The following KANK4 variants were observed in gnomAD, a reference collection of about 807,000 sequenced individuals.
KANK4 encodes the protein KN motif and ankyrin repeat domain-containing protein 4.
Under a neutral mutation model 80.8 loss-of-function variants are expected in KANK4, and 50 were observed. The ratio of observed to expected loss-of-function variants is 0.62; its 90% CI spans 0.49 to 0.78. The LOEUF is 0.78. Among genes scored for constraint, KANK4 ranks in the 30% least tolerant of loss-of-function variants. The pLI is 0.00. For synonymous variants in KANK4, 465 were observed against 506.9 expected (o/e 0.92, Z 1.11); for missense variants, 1,196 against 1,240.1 (o/e 0.96, Z 0.53).
rs2481688 is a variant in KANK4 at position 62,236,965 on chromosome 1, C to T, written c.*1312G>A. The T allele has an allele frequency of 0.95, 144,963 of 152,010 alleles. 69,171 individuals carry two copies. The highest frequency in any genetic ancestry group is 1 in the East Asian group (5,170 of 5,170). The allele number at this position is 152,010 out of a possible 1,614,324, so 9.4% of individuals were successfully genotyped here. A position where few individuals can be genotyped will look rare whatever the true frequency, so the allele number is the denominator to read the frequency against. On this transcript the variant is annotated 3_prime_UTR_variant, in exon 10 of 10. Transcript: ENST00000371153. ...ACCTCCCAGGAGGTAGGTTGTATGACAATTTCTGTTTTTAGAGATGATGAA... is the reference window on the plus strand; with the variant it reads ...ACCTCCCAGGAGGTAGGTTGTATGATAATTTCTGTTTTTAGAGATGATGAA...
intron 1 of KANK4, among the ~76,000 whole-genome samples, chr1:62,288,851 C>T (rs935953177): frequency 2.0e-5 from 3 of 152,098 alleles, no homozygotes; most frequent in African/African-American, 7.2e-5. Context: ...ATCAAACTGC[C>T]AATTGCCAAA....
At chr1:62,302,261 C>T (rs1447613805) in intron 1 of KANK4, among the ~76,000 whole-genome samples, 6 of 151,824 alleles carry the variant, frequency 4.0e-5, no homozygotes, top group Admixed American at 6.6e-5. Flanking sequence ...CTGGGAAAGG[C>T]GAGCATGTTT....
At chr1:62,257,402 T>G (rs906960661) in intron 7 of KANK4, among the ~76,000 whole-genome samples, 2 of 152,144 alleles carry the variant, frequency 1.3e-5, no homozygotes, top group Non-Finnish European at 2.9e-5. Context: ...CCCAGGACTT[T>G]ATAGAAGATA....
At chr1:62,318,780 A>AGAGGGG (rs1168409307) in intron 1 of KANK4, among the ~76,000 whole-genome samples, 2 of 152,120 alleles carry the variant, frequency 1.3e-5, no homozygotes, top group Non-Finnish European at 2.9e-5. Context: ...CCTCCTCACC[A>AGAGGGG]GTGTTCTCCA....
At chr1:62,280,510 G>A (rs1306827340) in intron 2 of KANK4, among the ~76,000 whole-genome samples, 1 of 152,190 alleles carries the variant, frequency 6.6e-6, no homozygotes, top group Non-Finnish European at 1.5e-5. Flanking sequence ...GAGGCAGGGC[G>A]GGAACTAATG....
At position 62,274,966 on chromosome 1, in the gene KANK4, G is replaced by A. The variant is rs370556812; in HGVS notation, c.138C>T (p.Ile46=). The A allele has an allele frequency of 7.4e-5, 120 of 1,613,936 alleles. No homozygotes were observed. The highest frequency in any genetic ancestry group is 9.3e-5 in the Non-Finnish European group (110 of 1,180,012). The change falls in exon 3 of 10, where the codon ATC becomes ATT. Residue 46 remains isoleucine, a synonymous_variant. Transcript: ENST00000371153. Reference sequence around the variant, plus strand: ...TTCTTTTGATAGTGTTTCCCTTCTCGATGTCATCCACATACTTGAGGAAGT... The same window carrying A: ...TTCTTTTGATAGTGTTTCCCTTCTCAATGTCATCCACATACTTGAGGAAGT... ...DLDFLKYVDD[I]EKGNTIKRIP... is the part of the protein sequence containing the mutation.
At chr1:62,251,473 G>T (rs1199519504) in intron 8 of KANK4, among the ~76,000 whole-genome samples, 3 of 152,146 alleles carry the variant, frequency 2.0e-5, no homozygotes, top group Non-Finnish European at 4.4e-5. Context: ...ATTCATTCCT[G>T]TAGGTTCAAA....
Position 62,247,479 on chromosome 1 carries a change from G to T in KANK4, c.2876C>A (p.Thr959Asn), listed in dbSNP as rs904721599. ...LAHPACDSSL[T>N]DKAGRTALSI... ...ATTGCCTGTAAGTCTCACCTTGTCA[G>T]TCAGGCTGCTGTCGCAGGCTGGGTG... is the stretch of plus-strand genomic sequence containing the variant. The change falls in exon 9 of 10, where the codon ACT becomes AAT. Residue 959 changes from threonine to asparagine, a missense_variant. Physicochemically the swap from Thr to Asn is moderately conservative, Grantham distance 65. This residue lies in a region of KANK4 where 1,154 missense variants were observed against 1,179.6 expected (regional missense o/e 0.98). Coordinates refer to ENST00000371153, the MANE Select transcript of KANK4 (RefSeq NM_181712.5). 3.7e-6 allele frequency: 6 copies of T among 1,613,744 alleles called. No individual in the cohort carries two copies. The African/African-American group carries it at 6.7e-5, about 18-fold the overall frequency.
At chr1:62,275,211 T>C (rs1462462751) in intron 2 of KANK4, 124 bp from the exon 3 acceptor site, 7 of 725,744 alleles carry the variant, frequency 9.6e-6, no homozygotes, top group Non-Finnish European at 1.5e-5. Flanking sequence ...CTAAATGTTC[T>C]AGCCTCGAAA....
chr1:62,266,837 A>G lies in KANK4; in HGVS notation c.2232-18T>C. 5.9e-6 allele frequency: 8 copies of G among 1,357,140 alleles called. No individual in the cohort carries two copies. Among genetic ancestry groups the G allele is most frequent in the Non-Finnish European group, 8.4e-6 (8 of 951,006 alleles). The allele number at this position is 1,357,140 out of a possible 1,614,324, so 84.1% of individuals were successfully genotyped here. On this transcript the variant is annotated intron_variant, in intron 5 of 9. Coordinates refer to ENST00000371153, the MANE Select transcript of KANK4 (RefSeq NM_181712.5). ...GTTTATATCTAAATAAAACAAACAT[A>G]TATACACATATTTATATAATCATTT...
intron 9 of KANK4, among the ~76,000 whole-genome samples, chr1:62,242,040 C>T (rs999180871): frequency 2.6e-5 from 4 of 152,080 alleles, no homozygotes; most frequent in Non-Finnish European, 5.9e-5. Context: ...ATGCCTCTGC[C>T]AGAACTCTGG....
At chr1:62,244,341 G>A (rs1472739539) in intron 9 of KANK4, among the ~76,000 whole-genome samples, 2 of 151,984 alleles carry the variant, frequency 1.3e-5, no homozygotes, top group African/African-American at 4.8e-5. Context: ...GACTACAGGT[G>A]CAAGCCACCA....
chr1:62,273,637 G>C lies in KANK4; in HGVS notation c.1467C>G (p.Ser489=). Residue 489 remains serine, a synonymous_variant, in exon 3 of 10, where the codon TCC becomes TCG. Transcript: ENST00000371153. ...LPQGPEQVLT[S]SVHSFLSTEL... ...CAGTGGAGAGGAAGCTATGTACAGA[G>C]GAGGTAAGGACCTGCTCGGGTCCCT... The C allele has an allele frequency of 6.2e-7, 1 of 1,614,164 alleles. No individual in the cohort carries two copies. Among genetic ancestry groups the C allele is most frequent in the Non-Finnish European group, 8.5e-7 (1 of 1,180,022 alleles).
intron 7 of KANK4, among the ~76,000 whole-genome samples, chr1:62,261,582 A>C (rs1217082044): frequency 3.3e-5 from 5 of 151,334 alleles, no homozygotes; most frequent in African/African-American, 1.2e-4. Context: ...TGCTCCCTTC[A>C]CTAACCCACC....
intron 9 of KANK4, among the ~76,000 whole-genome samples, chr1:62,238,823 T>A (rs1363679760): frequency 6.6e-6 from 1 of 151,984 alleles, no homozygotes; most frequent in Non-Finnish European, 1.5e-5. Context: ...AGAGACGGGG[T>A]GTCACCATGT....
In KANK4 at chr1:62,316,840, G is replaced by A. The variant is rs1202828094; in HGVS notation, c.-71+2266C>T. On this transcript the variant is annotated intron_variant, in intron 1 of 9. Transcript: ENST00000371153. ...GTACTTGGAGAGCCCTGTTTTTAAG[G>A]TGCTCAGTGTAGCTGATGTTTGCTG... is the stretch of plus-strand genomic sequence containing the variant. Among the ~76,000 whole-genome samples the A allele has an allele frequency of 3.3e-5, 5 of 152,236 alleles. No individual in the cohort carries two copies. In the South Asian group the frequency reaches 8.3e-4, roughly 25 times the overall value.
chr1:62,286,942 A>C (rs1473606261), intron 1 of KANK4, among the ~76,000 whole-genome samples: 1 of 152,210 alleles, frequency 6.6e-6, no homozygotes, highest in Non-Finnish European at 1.5e-5. Flanking sequence ...TCTGGCAGGA[A>C]TGAAAAAGCA....
intron 9 of KANK4, among the ~76,000 whole-genome samples, chr1:62,241,004 T>A (rs1229214703): frequency 6.6e-6 from 1 of 152,162 alleles, no homozygotes; most frequent in Admixed American, 6.5e-5. Flanking sequence ...TGTGAATATT[T>A]TGACATTTTG....
In KANK4 at chr1:62,268,362, C is replaced by A. The variant is rs772142289; in HGVS notation, c.2156G>T (p.Gly719Val). Residue 719 changes from glycine (G) to valine (V), a missense_variant, in exon 5 of 10, where the codon GGC (glycine) becomes GTC (valine). This residue lies in a region of KANK4 where 1,154 missense variants were observed against 1,179.6 expected (regional missense o/e 0.98). Transcript: ENST00000371153. ...DAHLTCEAGQ[G>V]IPEGTCHAAQ... ...AGCATGGCAGGTGCCCTCAGGGATG[C>A]CCTGCCCAGCCTCGCAGGTGAGATG... 5 of 1,614,032 alleles carry A rather than the reference C, an allele frequency of 3.1e-6. No homozygotes were observed. The South Asian group carries it at 5.5e-5, about 18-fold the overall frequency.
Sources: gnomAD v4.1 joint callset for allele counts (sites outside exome capture counted in the v4.1 genomes callset) on GRCh38, gnomAD v4.1.1 for gene constraint, gnomAD v4.1.1 regional missense constraint, MANE v1.5 for transcripts, NCBI Gene and HGNC (gene_info 2026-07-23, HGNC 2026-07-21) for gene names.